Variants in KDM2B observed in about 807,000 individuals in gnomAD.
KDM2B encodes lysine demethylase 2B, also known as lysine-specific demethylase 2B.
Under a neutral mutation model 150.0 loss-of-function variants are expected in KDM2B, and 26 were observed. The ratio of observed to expected loss-of-function variants is 0.17; its 90% CI spans 0.13 to 0.24. The LOEUF (loss-of-function observed/expected upper bound fraction) is 0.24. KDM2B is among the 10% of genes least tolerant of loss of function. KDM2B has a pLI of 1.00. For synonymous variants in KDM2B, 734 were observed against 729.5 expected (o/e 1.01, Z -0.10); for missense variants, 1,265 against 1,816.9 (o/e 0.70, Z 5.52).
intron 21 of KDM2B, chr12:121,440,568 A>C (rs1475556020): frequency 4.0e-6 from 2 of 498,746 alleles, no homozygotes; most frequent in Non-Finnish European, 7.1e-6. Flanking sequence ...ACACACGCAG[A>C]GCCCCATGAG....
intron 19 of KDM2B, among the ~76,000 whole-genome samples, chr12:121,441,690 C>T (rs1351388813): frequency 6.6e-6 from 1 of 152,118 alleles, no homozygotes; most frequent in Non-Finnish European, 1.5e-5. Flanking sequence ...GCCCGCAAAG[C>T]GCTAGGATTA....
intron 1 of KDM2B, 31 bp downstream of exon 1, chr12:121,580,755 C>T (rs782780224): frequency 4.3e-6 from 7 of 1,610,822 alleles, no homozygotes; most frequent in Non-Finnish European, 5.9e-6. Flanking sequence ...CCCTCTTCCT[C>T]TTCTTTCATC....
In KDM2B at chr12:121,482,452, G is replaced by A. The variant is rs1054040023; in HGVS notation, c.1734+12127C>T. ...TGGGTAGCTGGGATTACAGGTACCCGCCACCACGCCCAGCTAATTTTTTGT... is the reference window on the plus strand; with the variant it reads ...TGGGTAGCTGGGATTACAGGTACCCACCACCACGCCCAGCTAATTTTTTGT... On this transcript the variant is annotated intron_variant, in intron 12 of 22. Coordinates refer to ENST00000377071, the MANE Select transcript of KDM2B (RefSeq NM_032590.5). 1.3e-3 allele frequency among the ~76,000 whole-genome samples: 197 copies of A among 152,128 alleles called. 1 individual carries two copies. Among genetic ancestry groups the A allele is most frequent in the Non-Finnish European group, 3.2e-4 (22 of 68,004 alleles).
intron 22 of KDM2B, among the ~76,000 whole-genome samples, chr12:121,431,295 C>CT (rs71453557): frequency 0.067 from 6,635 of 98,716 alleles, 847 homozygotes; most frequent in African/African-American, 0.17. Context: ...CCATGTGCAA[C>CT]TTTTTTTTTT....
At chr12:121,534,900 T>G (rs1369742524) in intron 6 of KDM2B, among the ~76,000 whole-genome samples, 2 of 152,056 alleles carry the variant, frequency 1.3e-5, no homozygotes, top group Non-Finnish European at 2.9e-5. Context: ...CGGGGTGGGT[T>G]TCTACCTTTG....
chr12:121,443,646 C>G lies in KDM2B; in HGVS notation c.2565+34G>C, dbSNP rs539039577. On this transcript the variant is annotated intron_variant, in intron 17 of 22. Transcript: ENST00000377071. ...GGACAGCCCAGGACTCGCCAGTCCC[C>G]GGGGCCTCAGGAGGGCGTGCGTCGT... 11 of 1,351,082 alleles carry G rather than the reference C, an allele frequency of 8.1e-6. No individual in the cohort carries two copies. The South Asian group carries it at 1.3e-4, about 16-fold the overall frequency. 83.7% of individuals were successfully genotyped at this position (1,351,082 alleles called of 1,614,324 possible).
rs576224611 is a variant in KDM2B, at chr12:121,579,531, G to C, written c.127-585C>G. 3.8e-4 allele frequency: 453 copies of C among 1,183,218 alleles called. No homozygotes were observed. In the African/African-American group the frequency reaches 6.1e-3, roughly 16 times the overall value. 73.3% of individuals were successfully genotyped at this position (1,183,218 alleles called of 1,614,324 possible). A position where few individuals can be genotyped will look rare whatever the true frequency, so the allele number is the denominator to read the frequency against. ...GCCCGCCAGTGCAAGAAGAGGAGGT[G>C]GGGGGAGGAGAATCGGGGCTTGGAA... On this transcript the variant is annotated intron_variant, in intron 1 of 22. Transcript: ENST00000377071.
rs1272145256 is a variant in KDM2B, at chr12:121,520,008, A to G, written c.1047+977T>C. 6.6e-6 allele frequency among the ~76,000 whole-genome samples: 1 copy of G among 151,958 alleles called. No homozygotes were observed. Among genetic ancestry groups the G allele is most frequent in the East Asian group, 1.9e-4 (1 of 5,172 alleles). ...CCCGGGCTCAAACGACCCTCCCACC[A>G]CAGCCTCTCAAGTAGCTGGGACTAC... On this transcript the variant is annotated intron_variant, in intron 9 of 22. Coordinates refer to ENST00000377071, the MANE Select transcript of KDM2B (RefSeq NM_032590.5). The surrounding 1 kb of genome is among the most constrained non-coding windows in gnomAD (Gnocchi z 4.5).
chr12:121,434,174 G>GTCATTCAT, intron 22 of KDM2B, among the ~76,000 whole-genome samples: 1 of 151,808 alleles, frequency 6.6e-6, no homozygotes, highest in East Asian at 1.9e-4. Flanking sequence ...AGTAAGCCCC[G>GTCATTCAT]TCATTCATTC....
chr12:121,420,750 C>T, the KDM2B span: 2 of 1,613,616 alleles, frequency 1.2e-6, no homozygotes, highest in Non-Finnish European at 1.7e-6. Flanking sequence ...ACCGGTTATA[C>T]AAAGAGAATG....
chr12:121,511,618 C>T (rs1204935495), intron 10 of KDM2B, among the ~76,000 whole-genome samples: 1 of 152,170 alleles, frequency 6.6e-6, no homozygotes, highest in Admixed American at 6.5e-5. Context: ...CCACTGTGCC[C>T]GGCCCCGGGT....
At chr12:121,450,055 A>C (rs1355611870) in intron 13 of KDM2B, among the ~76,000 whole-genome samples, 1 of 152,236 alleles carries the variant, frequency 6.6e-6, no homozygotes, top group Non-Finnish European at 1.5e-5. Flanking sequence ...GATGCACTGT[A>C]ATCCCAGCAC....
At chr12:121,543,176 G>A (rs1018916118) in intron 6 of KDM2B, among the ~76,000 whole-genome samples, 6 of 152,024 alleles carry the variant, frequency 3.9e-5, no homozygotes, top group Non-Finnish European at 8.8e-5. Flanking sequence ...CCAACATGGC[G>A]AAACCCCTGT....
chr12:121,485,234 CAGG>C (rs781928379), intron 12 of KDM2B, among the ~76,000 whole-genome samples: 1 of 152,120 alleles, frequency 6.6e-6, no homozygotes, highest in Non-Finnish European at 1.5e-5. Flanking sequence ...GTCTAAACTT[CAGG>C]AGGTTACTTT....
At chr12:121,428,800 C>T (rs1872648456), downstream of KDM2B, among the ~76,000 whole-genome samples, 1 of 152,228 alleles carries the variant, frequency 6.6e-6, no homozygotes. Flanking sequence ...CCCAAGGCTA[C>T]CTGTACAGGA....
rs1872877614 is a variant in KDM2B, at chr12:121,430,846, G to A, written c.3830-377C>T. Among the ~76,000 whole-genome samples, 1 of 152,190 alleles carries A rather than the reference G, an allele frequency of 6.6e-6. No homozygotes were observed. Among genetic ancestry groups the A allele is most frequent in the African/African-American group, 2.4e-5 (1 of 41,430 alleles). Reference sequence around the variant, plus strand: ...TTCTCATCTAATATGTTGTTGATGAGTACTGCTCTATGTCTATTACTGTGC... The same window carrying A: ...TTCTCATCTAATATGTTGTTGATGAATACTGCTCTATGTCTATTACTGTGC... On this transcript the variant is annotated intron_variant, in intron 22 of 22. Coordinates refer to ENST00000377071, the MANE Select transcript of KDM2B (RefSeq NM_032590.5). This position sits in a 1 kb window ranked among gnomAD's most constrained non-coding sequence, Gnocchi z 4.4.
At position 121,581,014 on chromosome 12, in the gene KDM2B, A is replaced by C; in HGVS notation, c.-103T>G. 6.8e-7 allele frequency: 1 copy of C among 1,466,610 alleles called. No individual in the cohort carries two copies. Among genetic ancestry groups the C allele is most frequent in the Non-Finnish European group, 9.2e-7 (1 of 1,091,812 alleles). The allele number at this position is 1,466,610 out of a possible 1,614,324, so 90.8% of individuals were successfully genotyped here. ...TCCCGGCACTCAAAGATGTGGACACACACACGTACAGGAAATACAGCCAGA... is the reference window on the plus strand; with the variant it reads ...TCCCGGCACTCAAAGATGTGGACACCCACACGTACAGGAAATACAGCCAGA... On this transcript the variant is annotated 5_prime_UTR_variant, in exon 1 of 23. Transcript: ENST00000377071.
intron 9 of KDM2B, among the ~76,000 whole-genome samples, chr12:121,514,192 C>G (rs1885834490): frequency 6.6e-6 from 1 of 152,134 alleles, no homozygotes; most frequent in Admixed American, 6.5e-5. Context: ...ATAGCTCACT[C>G]AGCCTCGACC....
chr12:121,413,415 CT>C, the KDM2B span, among the ~76,000 whole-genome samples: 37 of 130,624 alleles, frequency 2.8e-4, no homozygotes, highest in Non-Finnish European at 2.7e-4. Context: ...TTTACCTGTC[CT>C]TTTTTTTTTT....
Sources: allele counts gnomAD v4.1 joint callset (sites outside exome capture counted in the v4.1 genomes callset), GRCh38; gene constraint gnomAD v4.1.1; non-coding constraint Gnocchi (gnomAD v3.1); transcripts MANE v1.5; gene names NCBI Gene and HGNC (gene_info 2026-07-23, HGNC 2026-07-21).